Variants in SHROOM4 observed in about 807,000 individuals in gnomAD.
The protein encoded by SHROOM4 is protein Shroom4.
Under a neutral mutation model 80.3 loss-of-function variants are expected in SHROOM4, and 17 were observed. That is an observed-to-expected ratio of 0.21 (90% CI 0.14 to 0.32). The LOEUF (loss-of-function observed/expected upper bound fraction) is 0.32. Ranked by LOEUF, SHROOM4 falls within the 10% of genes least tolerant of loss-of-function variation. The pLI, the probability that SHROOM4 is intolerant of heterozygous loss-of-function variation, is 1.00. For missense variants in SHROOM4, 993 were observed against 1,140.3 expected (o/e 0.87, Z 1.86); for synonymous variants, 400 against 437.5 (o/e 0.91, Z 1.07).
intron 1 of SHROOM4, among the ~76,000 whole-genome samples, chrX:50,804,788 G>T (rs1016318246): frequency 5.4e-5 from 6 of 112,049 alleles, no homozygotes; most frequent in Admixed American, 2.8e-4. Flanking sequence ...ATCCCACCAT[G>T]TCTAGGCTTT....
intron 3 of SHROOM4, among the ~76,000 whole-genome samples, chrX:50,636,680 C>T (rs1557256188): frequency 1.8e-5 from 2 of 110,953 alleles, no homozygotes; most frequent in Non-Finnish European, 1.9e-5. Context: ...TTGTATTCTC[C>T]AGTGTCTATT....
chrX:50,685,805 T>C (rs1221868741), intron 2 of SHROOM4, among the ~76,000 whole-genome samples: 11 of 112,054 alleles, frequency 9.8e-5, no homozygotes, highest in Non-Finnish European at 3.8e-5. Flanking sequence ...GAAGCTTGAC[T>C]TTGGCCTTTG....
rs782439211 is a variant in SHROOM4 at position 50,635,557 on chromosome X, G to A, written c.516C>T (p.Ser172=). Reference sequence around the variant, plus strand: ...TGTTCTGGTCAATAGGCAACAGATGGCTCTCATAGGTGGCTTGGCCTGGTT... The same window carrying A: ...TGTTCTGGTCAATAGGCAACAGATGACTCTCATAGGTGGCTTGGCCTGGTT... The part of the protein sequence containing the change: ...LEQPGQATYE[S]HLLPIDQNMY... Residue 172 remains serine (S), a synonymous_variant, in exon 4 of 9, where the codon AGC becomes AGT. Transcript: ENST00000376020. The A allele has an allele frequency of 1.2e-5, 15 of 1,208,220 alleles. No homozygotes were observed. Among genetic ancestry groups the A allele is most frequent in the Non-Finnish European group, 1.7e-5 (15 of 894,742 alleles).
At chrX:50,635,774 G>T (rs1251334269) in intron 3 of SHROOM4, 106 bp from the exon 4 acceptor site, 11 of 644,011 alleles carry the variant, frequency 1.7e-5, no homozygotes, top group Admixed American at 1.3e-4. Flanking sequence ...AGAGAGGAGG[G>T]TAGGCAAAAA....
chrX:50,795,537 T>C (rs1161392605), intron 1 of SHROOM4, among the ~76,000 whole-genome samples: 3 of 110,858 alleles, frequency 2.7e-5, no homozygotes, highest in Non-Finnish European at 3.8e-5. Flanking sequence ...AGATGGAAGA[T>C]GGGGTAGAAT....
At chrX:50,737,472 T>C (rs1464206214) in intron 1 of SHROOM4, among the ~76,000 whole-genome samples, 2 of 111,851 alleles carry the variant, frequency 1.8e-5, no homozygotes, top group Non-Finnish European at 3.8e-5. Flanking sequence ...CATATTTATA[T>C]ATTTAAATAC....
chrX:50,771,288 C>CTGTG (rs1557269695), intron 1 of SHROOM4, among the ~76,000 whole-genome samples: 4 of 112,279 alleles, frequency 3.6e-5, no homozygotes, highest in Non-Finnish European at 5.6e-5. Context: ...GCTTGGGAGA[C>CTGTG]CTTGTGCTTC....
At chrX:50,791,701 G>C (rs1246272774) in intron 1 of SHROOM4, among the ~76,000 whole-genome samples, 3 of 103,301 alleles carry the variant, frequency 2.9e-5, no homozygotes, top group Non-Finnish European at 5.8e-5. Flanking sequence ...TGGGACCCTA[G>C]TGGCATTTTT....
intron 2 of SHROOM4, among the ~76,000 whole-genome samples, chrX:50,648,817 T>C (rs956561310): frequency 2.7e-5 from 3 of 112,263 alleles, no homozygotes; most frequent in African/African-American, 9.7e-5. Context: ...TTCAAGAGCA[T>C]GGTGGGCCTT....
intron 5 of SHROOM4, among the ~76,000 whole-genome samples, chrX:50,608,690 A>G (rs963795894): frequency 7.1e-5 from 8 of 112,242 alleles, no homozygotes; most frequent in South Asian, 7.4e-4. Context: ...CATTATAAAA[A>G]TGTTGAATAT....
intron 1 of SHROOM4, among the ~76,000 whole-genome samples, chrX:50,732,455 C>T (rs1557266383): frequency 9.0e-6 from 1 of 111,356 alleles, no homozygotes; most frequent in Admixed American, 9.6e-5. Context: ...ATTAATAAAA[C>T]AGAGAATGGA....
Position 50,677,424 on chromosome X carries a change from T to C in SHROOM4, c.269+18362A>G, listed in dbSNP as rs782211090. ...CAACACCGATATCTAGGATTTTTAA[T>C]AGACAAAAGGCATAATTTTCTCTCT... On this transcript the variant is annotated intron_variant, in intron 2 of 8. Transcript: ENST00000376020. Among the ~76,000 whole-genome samples, 4 of 111,413 alleles carry C rather than the reference T, an allele frequency of 3.6e-5. No homozygotes were observed. In the South Asian group the frequency reaches 1.1e-3, roughly 31 times the overall value.
chrX:50,610,276 T>G (rs1929898904), intron 5 of SHROOM4, among the ~76,000 whole-genome samples: 1 of 108,651 alleles, frequency 9.2e-6, no homozygotes, highest in South Asian at 4.1e-4. Flanking sequence ...CTTTGCACAC[T>G]TATAGATCAT....
intron 1 of SHROOM4, among the ~76,000 whole-genome samples, chrX:50,796,988 C>G (rs1252879276): frequency 1.0e-5 from 1 of 96,691 alleles, no homozygotes; most frequent in Non-Finnish European, 2.0e-5. Flanking sequence ...ACTAGAGATT[C>G]AGGAGTTATG....
intron 6 of SHROOM4, among the ~76,000 whole-genome samples, chrX:50,603,162 A>C (rs1427919042): frequency 9.0e-6 from 1 of 111,236 alleles, no homozygotes; most frequent in African/African-American, 3.3e-5. Flanking sequence ...TGTGGATCCC[A>C]AAGTAGGGGC....
At position 50,803,874 on chromosome X, in the gene SHROOM4, T is replaced by C. The variant is rs150511153; in HGVS notation, c.117+10028A>G. ...GTTAGTTGATCAGTTGATTGATTGA[T>C]TGATTGATTGATTGGAGGCCTAACT... is the stretch of plus-strand genomic sequence containing the variant. On this transcript the variant is annotated intron_variant, in intron 1 of 8. Coordinates refer to ENST00000376020, the MANE Select transcript of SHROOM4 (RefSeq NM_020717.5). Among the ~76,000 whole-genome samples, 60 of 111,857 alleles carry C rather than the reference T, an allele frequency of 5.4e-4. No homozygotes were observed. In the East Asian group the frequency reaches 0.015, roughly 27 times the overall value.
At chrX:50,718,453 G>C (rs1934022328) in intron 1 of SHROOM4, among the ~76,000 whole-genome samples, 1 of 108,696 alleles carries the variant, frequency 9.2e-6, no homozygotes, top group South Asian at 4.3e-4. Context: ...GGGTCCAAGA[G>C]TTGGGAGGGG....
At chrX:50,806,507 C>T (rs782277560) in intron 1 of SHROOM4, among the ~76,000 whole-genome samples, 22 of 112,167 alleles carry the variant, frequency 2.0e-4, no homozygotes, top group Admixed American at 3.8e-4. Flanking sequence ...GGAGACAAAC[C>T]TCTACCCCTT....
intron 2 of SHROOM4, among the ~76,000 whole-genome samples, chrX:50,660,568 C>T (rs1932469531): frequency 1.5e-5 from 1 of 67,434 alleles, no homozygotes; most frequent in Non-Finnish European, 2.8e-5. Flanking sequence ...CCCTCCCTCC[C>T]TCCCTCCCTT....
Sources: allele counts gnomAD v4.1 joint callset (sites outside exome capture counted in the v4.1 genomes callset), GRCh38; gene constraint gnomAD v4.1.1; transcripts MANE v1.5; gene names NCBI Gene and HGNC (gene_info 2026-07-23, HGNC 2026-07-21).